The following CCDC93 variants were observed in gnomAD, a reference collection of about 807,000 sequenced individuals.
CCDC93 encodes the protein coiled-coil domain-containing protein 93.
Under a neutral mutation model 108.2 loss-of-function variants are expected in CCDC93, and 61 were observed. That is an observed-to-expected ratio of 0.56 (90% CI 0.46 to 0.70). The LOEUF is 0.70. Ranked by LOEUF, CCDC93 falls within the 30% of genes least tolerant of loss-of-function variation. The pLI, the probability that CCDC93 is intolerant of heterozygous loss-of-function variation, is 0.00. For synonymous variants in CCDC93, 276 were observed against 260.4 expected (o/e 1.06, Z -0.58); for missense variants, 685 against 764.2 (o/e 0.90, Z 1.22).
chr2:117,988,808 T>C (rs2104804565), intron 6 of CCDC93, among the ~76,000 whole-genome samples: 1 of 152,366 alleles, frequency 6.6e-6, no homozygotes. Context: ...CAATCATTTC[T>C]GTAGAATTTC....
intron 23 of CCDC93, among the ~76,000 whole-genome samples, chr2:117,924,334 C>G (rs1677999404): frequency 2.0e-5 from 3 of 152,156 alleles, no homozygotes; most frequent in African/African-American, 7.2e-5. Context: ...CTACTCTGAG[C>G]TAAAGGAGGA....
intron 16 of CCDC93, among the ~76,000 whole-genome samples, 161 bp from the exon 17 acceptor site, chr2:117,945,743 C>G (rs976773556): frequency 6.6e-6 from 1 of 152,144 alleles, no homozygotes; most frequent in Non-Finnish European, 1.5e-5. Context: ...AGAAAGGGAA[C>G]TGCCCTTAGA....
intron 5 of CCDC93, among the ~76,000 whole-genome samples, chr2:117,995,963 T>C (rs1680633683): frequency 6.6e-6 from 1 of 151,880 alleles, no homozygotes; most frequent in South Asian, 2.1e-4. Context: ...TATATTATTA[T>C]TATTATTATT....
At chr2:117,949,500 C>G (rs1287840168) in intron 13 of CCDC93, 105 bp from the exon 14 acceptor site, 1 of 843,590 alleles carries the variant, frequency 1.2e-6, no homozygotes, top group Non-Finnish European at 1.9e-6. Context: ...AAAGAAGAAA[C>G]TTAAACTTGG....
intron 5 of CCDC93, 161 bp from the exon 6 acceptor site, chr2:117,995,663 A>G: frequency 1.6e-6 from 1 of 627,380 alleles, no homozygotes; most frequent in East Asian, 2.8e-5. Context: ...CCATGGGAAA[A>G]GGCTACAAAC....
At chr2:117,931,360 T>C in intron 22 of CCDC93, 1 of 465,652 alleles carries the variant, frequency 2.1e-6, no homozygotes, top group Non-Finnish European at 3.8e-6. Flanking sequence ...TCACTGAGTA[T>C]TAACTGTTTC....
chr2:117,946,741 T>C (rs1678883887), intron 16 of CCDC93, 70 bp downstream of exon 16: 4 of 1,091,656 alleles, frequency 3.7e-6, no homozygotes, highest in Non-Finnish European at 5.6e-6. Flanking sequence ...GTCTGCTCTT[T>C]GGTCCTCTAG....
Position 118,000,857 on chromosome 2 carries a change from C to T in CCDC93, c.327G>A (p.Gln109=). 1 of 1,613,728 alleles carries T rather than the reference C, an allele frequency of 6.2e-7. No individual in the cohort carries two copies. The highest frequency in any genetic ancestry group is 1.1e-5 in the South Asian group (1 of 91,074). ...CPHQLEPHQI[Q]GMDFIHIFPV... is the part of the protein sequence containing the mutation. ...GAAATATGTGAATAAAATCCATCCC[C>T]TGGATCTGGTGGGGCTCCAGCTGGT... Residue 109 remains glutamine (Q), a synonymous_variant, in exon 4 of 24, where the codon CAG becomes CAA. Transcript: ENST00000376300.
rs1388110955 is a variant in CCDC93, at chr2:117,979,578, C to T, written c.621-1548G>A. On this transcript the variant is annotated intron_variant, in intron 7 of 23. Transcript: ENST00000376300. ...ATATTCACTGAACAAACAAACTAAACATAAGTGAAAAAATGCAAAAATCAA... is the reference window on the plus strand; with the variant it reads ...ATATTCACTGAACAAACAAACTAAATATAAGTGAAAAAATGCAAAAATCAA... Among the ~76,000 whole-genome samples, 3 of 152,158 alleles carry T rather than the reference C, an allele frequency of 2.0e-5. No homozygotes were observed. In the East Asian group the frequency reaches 5.8e-4, roughly 29 times the overall value.
At chr2:117,973,834 T>C in intron 11 of CCDC93, 74 bp downstream of exon 11, 2 of 1,117,650 alleles carry the variant, frequency 1.8e-6, no homozygotes, top group South Asian at 1.3e-5. Context: ...GCTGGGGTAG[T>C]GGGGTAAGGA....
In CCDC93 at chr2:117,920,474, C is replaced by T. The variant is rs139805640; in HGVS notation, c.1843-78G>A. ...GTGAGGCCAAGATGGTCTCAAAGCCCTTCCCATATCCCTATGGGAGACATC... is the reference window on the plus strand; with the variant it reads ...GTGAGGCCAAGATGGTCTCAAAGCCTTTCCCATATCCCTATGGGAGACATC... On this transcript the variant is annotated intron_variant, in intron 23 of 23. Transcript: ENST00000376300. The T allele has an allele frequency of 3.5e-5, 34 of 974,442 alleles. 1 individual carries two copies. The East Asian group carries it at 6.0e-4, about 17-fold the overall frequency. The allele number at this position is 974,442 out of a possible 1,614,324, so 60.4% of individuals were successfully genotyped here. A position where few individuals can be genotyped will look rare whatever the true frequency, so the allele number is the denominator to read the frequency against.
intron 1 of CCDC93, among the ~76,000 whole-genome samples, chr2:118,010,517 A>G (rs1317983246): frequency 6.6e-6 from 1 of 152,168 alleles, no homozygotes; most frequent in African/African-American, 2.4e-5. Context: ...TTCCTTTACT[A>G]TGCATCTCAC....
intron 16 of CCDC93, 98 bp downstream of exon 16, chr2:117,946,713 G>A: frequency 1.3e-6 from 1 of 785,916 alleles, no homozygotes; most frequent in Non-Finnish European, 2.2e-6. Flanking sequence ...CTATTTACAG[G>A]ATAAGTTAGC....
chr2:117,951,379 C>T, intron 13 of CCDC93: 1 of 985,154 alleles, frequency 1.0e-6, no homozygotes, highest in Non-Finnish European at 1.2e-6. Context: ...ATGTGCCTGC[C>T]CTTTTGAAAT....
chr2:117,977,272 T>A (rs1679972633), intron 8 of CCDC93, among the ~76,000 whole-genome samples: 1 of 152,186 alleles, frequency 6.6e-6, no homozygotes, highest in Non-Finnish European at 1.5e-5. Flanking sequence ...ACCTCTAGGT[T>A]CAGATTCTTA....
intron 13 of CCDC93, chr2:117,950,453 C>T: frequency 6.1e-6 from 6 of 985,438 alleles, no homozygotes; most frequent in Non-Finnish European, 7.2e-6. Flanking sequence ...AGCAGTCATG[C>T]AGCCTCCCCC....
At chr2:117,930,327 A>C (rs1678284145) in intron 23 of CCDC93, among the ~76,000 whole-genome samples, 1 of 152,206 alleles carries the variant, frequency 6.6e-6, no homozygotes, top group South Asian at 2.1e-4. Flanking sequence ...CTTAAAATAA[A>C]GCTGCTGAGA....
intron 8 of CCDC93, among the ~76,000 whole-genome samples, chr2:117,976,862 C>G (rs527481161): frequency 6.7e-6 from 1 of 150,144 alleles, no homozygotes; most frequent in African/African-American, 2.5e-5. Context: ...GGCAGGGGAA[C>G]AGCAGGGGGA....
At position 117,985,487 on chromosome 2, in the gene CCDC93, C is replaced by A. The variant is rs190404349; in HGVS notation, c.620+482G>T. 5,873 of 921,646 alleles carry A rather than the reference C, an allele frequency of 6.4e-3. 29 individuals carry two copies. Among genetic ancestry groups the A allele is most frequent in the Middle Eastern group, 0.011 (20 of 1,796 alleles). 57.1% of individuals were successfully genotyped at this position (921,646 alleles called of 1,614,324 possible). A position where few individuals can be genotyped will look rare whatever the true frequency, so the allele number is the denominator to read the frequency against. On this transcript the variant is annotated intron_variant, in intron 7 of 23. Transcript: ENST00000376300. ...CAATGGGGAGAAGCATGTCCTTGCA[C>A]TTTTTTTTAAAGTAAAAACTAAGGA...
Sources: allele counts gnomAD v4.1 joint callset (sites outside exome capture counted in the v4.1 genomes callset), GRCh38; gene constraint gnomAD v4.1.1; transcripts MANE v1.5; gene names NCBI Gene and HGNC (gene_info 2026-07-23, HGNC 2026-07-21).